FRMD6: variants seen among roughly 807,000 people sequenced by gnomAD.
The protein encoded by FRMD6 is FERM domain containing 6.
FRMD6 carries 37 observed loss-of-function variants against 73.2 expected under a neutral mutation model. That is an observed-to-expected ratio of 0.51 (90% confidence interval 0.39 to 0.66). FRMD6 has a LOEUF of 0.66. Ranked by LOEUF, FRMD6 falls within the 30% of genes least tolerant of loss-of-function variation. The pLI is 0.00. For missense variants in FRMD6, 714 were observed against 780.5 expected (o/e 0.91, Z 1.02); for synonymous variants, 273 against 282.2 (o/e 0.97, Z 0.33).
chr14:51,490,439 A>G (rs1882926477), intron 1 of FRMD6, among the ~76,000 whole-genome samples: 1 of 152,188 alleles, frequency 6.6e-6, no homozygotes, highest in Admixed American at 6.5e-5. Flanking sequence ...AGAAACTCTC[A>G]TATATTGGCT....
Position 51,641,020 on chromosome 14 carries a change from GA to G in FRMD6, c.-146-48670del, listed in dbSNP as rs376602848. On this transcript the variant is annotated intron_variant, in intron 2 of 14. Coordinates refer to the FRMD6 transcript ENST00000356218. Reference sequence around the variant, plus strand: ...GAGTCTTGCTCTGTCACCCAGGCTGGAGTACAGTGGCACGATCTCAGCTCAC... The same window carrying G: ...GAGTCTTGCTCTGTCACCCAGGCTGGGTACAGTGGCACGATCTCAGCTCAC... 2.8e-3 allele frequency among the ~76,000 whole-genome samples: 422 copies of G among 151,786 alleles called. 1 individual carries two copies. The highest frequency in any genetic ancestry group is 9.5e-3 in the African/African-American group (392 of 41,388).
intron 1 of FRMD6, among the ~76,000 whole-genome samples, chr14:51,505,273 G>C (rs1414519621): frequency 6.6e-6 from 1 of 152,078 alleles, no homozygotes; most frequent in East Asian, 1.9e-4. Flanking sequence ...GTCTCCTTAT[G>C]TTGCCTAGGT....
the FRMD6 span, among the ~76,000 whole-genome samples, chr14:51,440,433 G>C: frequency 6.6e-6 from 1 of 152,210 alleles, no homozygotes; most frequent in African/African-American, 2.4e-5. Context: ...GTTATGTAAA[G>C]CTGGAATGGT....
At chr14:51,418,604 G>A in the FRMD6 span, among the ~76,000 whole-genome samples, 1 of 152,190 alleles carries the variant, frequency 6.6e-6, no homozygotes, top group Non-Finnish European at 1.5e-5. Context: ...CTACTGGGAG[G>A]TCTCTCCCAG....
chr14:51,653,916 C>G (rs551031529), intron 1 of FRMD6, among the ~76,000 whole-genome samples: 1 of 152,160 alleles, frequency 6.6e-6, no homozygotes, highest in Non-Finnish European at 1.5e-5. Context: ...ATCAAATTAT[C>G]TGCAGGACAT....
At chr14:51,709,694 GATTTT>G (rs766291020) in intron 7 of FRMD6, among the ~76,000 whole-genome samples, 5 of 152,050 alleles carry the variant, frequency 3.3e-5, no homozygotes, top group Non-Finnish European at 5.9e-5. Flanking sequence ...AGCCTGAAGA[GATTTT>G]ATTTGTGACA....
chr14:51,421,690 A>C, the FRMD6 span, among the ~76,000 whole-genome samples: 1 of 152,254 alleles, frequency 6.6e-6, no homozygotes, highest in African/African-American at 2.4e-5. Flanking sequence ...ATGATAGAGC[A>C]AGCTGGGCAG....
At chr14:51,600,514 G>C (rs1451954574) in intron 2 of FRMD6, among the ~76,000 whole-genome samples, 2 of 152,172 alleles carry the variant, frequency 1.3e-5, no homozygotes, top group Non-Finnish European at 2.9e-5. Context: ...TAAACTCTGG[G>C]TCTTCCTTCA....
intron 1 of FRMD6, among the ~76,000 whole-genome samples, chr14:51,688,197 T>A (rs1156500542): frequency 6.6e-6 from 1 of 152,042 alleles, no homozygotes; most frequent in Non-Finnish European, 1.5e-5. Flanking sequence ...TCCATCCTAG[T>A]GAGAACGATA....
At chr14:51,430,985 T>C in the FRMD6 span, among the ~76,000 whole-genome samples, 3 of 152,180 alleles carry the variant, frequency 2.0e-5, no homozygotes, top group Non-Finnish European at 2.9e-5. Context: ...GTATGGAGTA[T>C]GTATGTGTGC....
chr14:51,603,658 C>T (rs1890128882), intron 2 of FRMD6, among the ~76,000 whole-genome samples: 1 of 152,266 alleles, frequency 6.6e-6, no homozygotes, highest in African/African-American at 2.4e-5. Context: ...GCCTTGGCAT[C>T]AAACTGCTCA....
chr14:51,647,585 G>C (rs1191384507), upstream of FRMD6, among the ~76,000 whole-genome samples: 4 of 152,164 alleles, frequency 2.6e-5, no homozygotes, highest in East Asian at 7.7e-4. Context: ...AATTTATTTT[G>C]TTTGTTTAAA....
At chr14:51,610,151 G>C (rs1216565066) in intron 2 of FRMD6, among the ~76,000 whole-genome samples, 1 of 151,896 alleles carries the variant, frequency 6.6e-6, no homozygotes, top group Non-Finnish European at 1.5e-5. Flanking sequence ...TCTTGACCTA[G>C]GCACAGGCTC....
the FRMD6 span, among the ~76,000 whole-genome samples, chr14:51,465,338 G>C: frequency 6.6e-6 from 1 of 152,080 alleles, no homozygotes; most frequent in Non-Finnish European, 1.5e-5. Flanking sequence ...GATGAGTTTT[G>C]ACATTTGTAT....
chr14:51,556,360 T>C (rs565915681), intron 1 of FRMD6, among the ~76,000 whole-genome samples: 2 of 152,366 alleles, frequency 1.3e-5, no homozygotes, highest in Non-Finnish European at 2.9e-5. Context: ...TAGAAGGTAT[T>C]TCTTCTTAAC....
At chr14:51,493,232 T>C (rs1440882285) in intron 1 of FRMD6, among the ~76,000 whole-genome samples, 1 of 152,260 alleles carries the variant, frequency 6.6e-6, no homozygotes, top group African/African-American at 2.4e-5. Flanking sequence ...AACCTTGATC[T>C]TAGCAATATG....
the FRMD6 span, among the ~76,000 whole-genome samples, chr14:51,440,949 T>A: frequency 1.3e-5 from 2 of 152,226 alleles, no homozygotes; most frequent in Non-Finnish European, 2.9e-5. Flanking sequence ...TGGGGCTGTA[T>A]AATCCAAGGG....
intron 1 of FRMD6, among the ~76,000 whole-genome samples, chr14:51,661,101 G>T (rs959845043): frequency 3.3e-5 from 5 of 152,056 alleles, no homozygotes; most frequent in African/African-American, 1.2e-4. Context: ...GGAGTGAGAG[G>T]ATTTGATTTG....
At chr14:51,399,133 A>G in the FRMD6 span, among the ~76,000 whole-genome samples, 1 of 152,250 alleles carries the variant, frequency 6.6e-6, no homozygotes, top group African/African-American at 2.4e-5. Context: ...CCCTGGCCCC[A>G]GCTCTGCTCT....
Sources: allele counts gnomAD v4.1 joint callset (sites outside exome capture counted in the v4.1 genomes callset), GRCh38; gene constraint gnomAD v4.1.1; transcripts MANE v1.5; gene names NCBI Gene and HGNC (gene_info 2026-07-23, HGNC 2026-07-21).